Variants in R3HDM1 observed in about 807,000 individuals in gnomAD.
R3HDM1 encodes the protein R3H domain-containing protein 1.
In R3HDM1, 46 loss-of-function variants were observed where a neutral mutation model predicts 141.1. The observed-to-expected ratio is 0.33, with a 90% confidence interval of 0.26 to 0.42. R3HDM1 has a LOEUF of 0.42. Ranked by LOEUF, R3HDM1 falls within the 10% of genes least tolerant of loss-of-function variation. R3HDM1 has a pLI of 1.00. For missense variants in R3HDM1, 1,184 were observed against 1,368.3 expected, an observed-to-expected ratio of 0.87 and a Z score of 2.12; for synonymous variants, 435 against 472.9, an observed-to-expected ratio of 0.92 and a Z score of 1.04.
intron 1 of R3HDM1, among the ~76,000 whole-genome samples, chr2:135,578,052 A>G (rs1175192159): frequency 1.3e-5 from 2 of 152,120 alleles, no homozygotes; most frequent in Non-Finnish European, 2.9e-5. Flanking sequence ...TCCCACTTCT[A>G]GGAATCTTCT....
At chr2:135,601,876 AGTCTTGAGCCCCT>A (rs1033964323) in intron 1 of R3HDM1, among the ~76,000 whole-genome samples, 5 of 151,160 alleles carry the variant, frequency 3.3e-5, no homozygotes, top group Admixed American at 3.3e-4. Context: ...TGCCCATGCT[AGTCTTGAGCCCCT>A]GGCCTCAAGT....
At chr2:135,716,614 T>C (rs1382397509) in intron 24 of R3HDM1, among the ~76,000 whole-genome samples, 1 of 152,192 alleles carries the variant, frequency 6.6e-6, no homozygotes, top group Non-Finnish European at 1.5e-5. Flanking sequence ...TTATGGTATA[T>C]TCATACAAGG....
intron 21 of R3HDM1, among the ~76,000 whole-genome samples, chr2:135,685,857 T>A (rs979108545): frequency 1.3e-5 from 2 of 152,198 alleles, no homozygotes; most frequent in South Asian, 2.1e-4. Context: ...ACTTTTGTTT[T>A]CTCATTTGTA....
intron 1 of R3HDM1, among the ~76,000 whole-genome samples, chr2:135,542,779 C>A (rs1697888443): frequency 6.6e-6 from 1 of 152,178 alleles, no homozygotes; most frequent in Non-Finnish European, 1.5e-5. Context: ...CACTCTGTAG[C>A]CCAGGCTAGA....
chr2:135,540,351 G>A (rs1697199436), intron 1 of R3HDM1, among the ~76,000 whole-genome samples: 1 of 152,116 alleles, frequency 6.6e-6, no homozygotes, highest in African/African-American at 2.4e-5. Context: ...TTGATATTTT[G>A]TAACTTCACA....
intron 1 of R3HDM1, chr2:135,586,543 A>C (rs775338971): frequency 4.4e-6 from 1 of 227,534 alleles, no homozygotes; most frequent in Non-Finnish European, 7.3e-6. Flanking sequence ...TTTGTATAGA[A>C]TGTAATCTGA....
In R3HDM1 at chr2:135,685,269, G is replaced by A. The variant is rs368374577; in HGVS notation, c.2459+4945G>A. ...CACACACACACATGCTAGTTAACCCGTGTTTCTCTCCTGGTTTCTGTCCTT... is the reference window on the plus strand; with the variant it reads ...CACACACACACATGCTAGTTAACCCATGTTTCTCTCCTGGTTTCTGTCCTT... On this transcript the variant is annotated intron_variant, in intron 21 of 26. Coordinates refer to ENST00000683871, the MANE Select transcript of R3HDM1 (RefSeq NM_001378107.1). 4.4e-4 allele frequency among the ~76,000 whole-genome samples: 67 copies of A among 152,050 alleles called. No individual in the cohort carries two copies. The South Asian group carries it at 0.014, about 31-fold the overall frequency.
Position 135,636,790 on chromosome 2 carries a change from T to TA in R3HDM1, c.903+623dup, listed in dbSNP as rs150234601. Among the ~76,000 whole-genome samples, 889 of 134,306 alleles carry TA rather than the reference T, an allele frequency of 6.6e-3. 2 individuals are homozygous for TA. The highest frequency in any genetic ancestry group is 0.016 in the African/African-American group (588 of 36,512). 88.1% of individuals were successfully genotyped at this position (134,306 alleles called of 152,430 possible). On this transcript the variant is annotated intron_variant, in intron 11 of 26. Coordinates refer to ENST00000683871, the MANE Select transcript of R3HDM1 (RefSeq NM_001378107.1). Reference sequence around the variant, plus strand: ...CTACAGATAGAAATTTCCTCTGTGTTAAAAAAAAAAAAAAAAGAAGATTAA... The same window carrying TA: ...CTACAGATAGAAATTTCCTCTGTGTTAAAAAAAAAAAAAAAAAGAAGATTAA...
At chr2:135,629,359 T>TA in intron 7 of R3HDM1, among the ~76,000 whole-genome samples, 1 of 152,238 alleles carries the variant, frequency 6.6e-6, no homozygotes, top group East Asian at 1.9e-4. Flanking sequence ...AAGAGGGTCT[T>TA]ATAATTTAGT....
intron 1 of R3HDM1, among the ~76,000 whole-genome samples, chr2:135,549,671 A>G (rs1699478082): frequency 6.6e-6 from 1 of 151,840 alleles, no homozygotes; most frequent in South Asian, 2.1e-4. Flanking sequence ...TTCCTTTTAT[A>G]TGATATATTC....
Position 135,618,454 on chromosome 2 carries a change from G to A in R3HDM1, c.303+1697G>A, listed in dbSNP as rs554278025. On this transcript the variant is annotated intron_variant, in intron 5 of 26. Transcript: ENST00000683871. Reference sequence around the variant, plus strand: ...TAGGATTACAAGTGTGAGCCACCGCGCCCGGCTGATTTTTTTTTTTTTTTT... The same window carrying A: ...TAGGATTACAAGTGTGAGCCACCGCACCCGGCTGATTTTTTTTTTTTTTTT... Among the ~76,000 whole-genome samples, 341 of 142,752 alleles carry A rather than the reference G, an allele frequency of 2.4e-3. 2 individuals carry two copies. The highest frequency in any genetic ancestry group is 5.4e-3 in the Admixed American group (74 of 13,778). 93.7% of individuals were successfully genotyped at this position (142,752 alleles called of 152,430 possible).
At chr2:135,646,071 T>G (rs1224566581) in intron 16 of R3HDM1, among the ~76,000 whole-genome samples, 4 of 152,180 alleles carry the variant, frequency 2.6e-5, no homozygotes, top group Non-Finnish European at 5.9e-5. Context: ...CTTTTTCCCC[T>G]ACAGTTGTAT....
chr2:135,615,504 A>G (rs1215117814), intron 3 of R3HDM1, among the ~76,000 whole-genome samples: 1 of 152,150 alleles, frequency 6.6e-6, no homozygotes, highest in Non-Finnish European at 1.5e-5. Context: ...AGTTTGCCTT[A>G]CCGCATTCTC....
chr2:135,634,367 G>T (rs1041908650), intron 9 of R3HDM1, among the ~76,000 whole-genome samples: 4 of 152,136 alleles, frequency 2.6e-5, no homozygotes, highest in Non-Finnish European at 5.9e-5. Context: ...AGGGCCAGGC[G>T]CAATGTCTCA....
chr2:135,684,191 C>T (rs1260566384), intron 21 of R3HDM1, among the ~76,000 whole-genome samples: 2 of 152,120 alleles, frequency 1.3e-5, no homozygotes, highest in South Asian at 2.1e-4. Context: ...CCCAGGTTCA[C>T]GCCATTCTCC....
At chr2:135,540,402 A>G (rs942971746) in intron 1 of R3HDM1, among the ~76,000 whole-genome samples, 3 of 152,146 alleles carry the variant, frequency 2.0e-5, no homozygotes, top group Non-Finnish European at 4.4e-5. Context: ...TTAAAAGTTG[A>G]TATTTTGACC....
chr2:135,651,861 C>A lies in R3HDM1; in HGVS notation c.1857C>A (p.Ile619=). 2 of 1,614,090 alleles carry A rather than the reference C, an allele frequency of 1.2e-6. No individual in the cohort carries two copies. Among genetic ancestry groups the A allele is most frequent in the Non-Finnish European group, 1.7e-6 (2 of 1,180,000 alleles). ...AGTCTCCACAGCAGTCTGGTTATAT[C>A]ATGACAGCAGCCCCTCCACCACATC... is the stretch of plus-strand genomic sequence containing the variant. ...VLQSPQQSGY[I]MTAAPPPHPP... is the part of the protein sequence containing the mutation. The change falls in exon 18 of 27, where the codon ATC becomes ATA. Residue 619 remains isoleucine, a synonymous_variant. Transcript: ENST00000683871.
chr2:135,556,071 A>G (rs912790681), intron 1 of R3HDM1, among the ~76,000 whole-genome samples: 9 of 152,148 alleles, frequency 5.9e-5, no homozygotes, highest in African/African-American at 1.7e-4. Context: ...ACATGTTCCA[A>G]TGTGAATGAA....
At chr2:135,614,778 T>C (rs557864969) in intron 3 of R3HDM1, among the ~76,000 whole-genome samples, 1 of 152,234 alleles carries the variant, frequency 6.6e-6, no homozygotes, top group South Asian at 2.1e-4. Context: ...TTTAGGTATG[T>C]GCATTTTCAT....
Sources: gnomAD v4.1 joint callset for allele counts (sites outside exome capture counted in the v4.1 genomes callset) on GRCh38, gnomAD v4.1.1 for gene constraint, MANE v1.5 for transcripts, NCBI Gene and HGNC (gene_info 2026-07-23, HGNC 2026-07-21) for gene names.